The following NSD2 variants were observed in gnomAD, a reference collection of about 807,000 sequenced individuals.
The protein encoded by NSD2 is histone-lysine N-methyltransferase NSD2.
A neutral mutation model predicts 139.0 loss-of-function variants in NSD2; 12 were observed. The observed-to-expected ratio is 0.09, with a 90% CI of 0.06 to 0.14. The LOEUF (loss-of-function observed/expected upper bound fraction) is 0.14, where lower values mean the gene tolerates loss of function less well. NSD2 is among the 10% of genes least tolerant of loss of function. NSD2 has a pLI of 1.00. For missense variants in NSD2, 1,155 were observed against 1,745.0 expected (o/e 0.66, Z 6.02); for synonymous variants, 669 against 648.7 (o/e 1.03, Z -0.48).
At chr4:1,961,855 G>A (rs375573002) in intron 18 of NSD2, among the ~76,000 whole-genome samples, 33 of 152,340 alleles carry the variant, frequency 2.2e-4, no homozygotes, top group African/African-American at 7.5e-4. Context: ...AGCTGGGGAA[G>A]TGTGGCCTCC....
intron 1 of NSD2, among the ~76,000 whole-genome samples, chr4:1,898,678 AC>A (rs1716745407): frequency 1.3e-5 from 2 of 149,558 alleles, no homozygotes; most frequent in African/African-American, 4.9e-5. Flanking sequence ...AAAACAAAAA[AC>A]AAAAAACACA....
chr4:1,924,376 C>T (rs1055343475), intron 5 of NSD2, among the ~76,000 whole-genome samples: 4 of 151,924 alleles, frequency 2.6e-5, no homozygotes, highest in Non-Finnish European at 5.9e-5. Context: ...GGAACCGCCC[C>T]GTCAGCCACT....
intron 5 of NSD2, 32 bp downstream of exon 5, chr4:1,918,655 G>A (rs1338528432): frequency 3.1e-6 from 5 of 1,605,092 alleles, no homozygotes; most frequent in Non-Finnish European, 4.3e-6. Flanking sequence ...ATGCTAGCAA[G>A]TTTCAGAATT....
At chr4:1,879,379 C>T (rs931014887) in intron 1 of NSD2, among the ~76,000 whole-genome samples, 27 of 151,996 alleles carry the variant, frequency 1.8e-4, no homozygotes, top group African/African-American at 5.5e-4. Flanking sequence ...CCACCATGCC[C>T]GGCTAATTTT....
chr4:1,916,795 C>A, intron 3 of NSD2, 76 bp from the exon 4 acceptor site: 1 of 1,461,460 alleles, frequency 6.8e-7, no homozygotes, highest in South Asian at 1.3e-5. Flanking sequence ...GAAACAACTG[C>A]AAAATAGCAG....
intron 9 of NSD2, chr4:1,941,698 G>A (rs770428055): frequency 1.1e-5 from 11 of 1,045,198 alleles, no homozygotes; most frequent in African/African-American, 5.0e-5. Context: ...ATATGAAAAC[G>A]TTTAAATTAC....
intron 1 of NSD2, among the ~76,000 whole-genome samples, chr4:1,890,676 A>AC (rs1259587168): frequency 6.6e-6 from 1 of 151,214 alleles, no homozygotes; most frequent in Non-Finnish European, 1.5e-5. Flanking sequence ...ATCTCGGCTC[A>AC]CTGCAACCTC....
rs992681910 is a variant in NSD2 at position 1,947,666 on chromosome 4, G to A, written c.1882-3406G>A. The A allele has an allele frequency of 7.6e-6, 8 of 1,055,224 alleles. No homozygotes were observed. The African/African-American group carries it at 1.2e-4, about 15-fold the overall frequency. The allele number at this position is 1,055,224 out of a possible 1,614,324, so 65.4% of individuals were successfully genotyped here. On this transcript the variant is annotated intron_variant, in intron 9 of 21. Transcript: ENST00000508803. Reference sequence around the variant, plus strand: ...CACTCATTTAATCTGCTGAGCACAGGGCTGTTGTCATTTGTAAACGCAAAC... The same window carrying A: ...CACTCATTTAATCTGCTGAGCACAGAGCTGTTGTCATTTGTAAACGCAAAC...
intron 2 of NSD2, among the ~76,000 whole-genome samples, chr4:1,902,461 C>T (rs971569562): frequency 1.3e-5 from 2 of 152,074 alleles, no homozygotes; most frequent in East Asian, 1.9e-4. Flanking sequence ...TGGGCTCAAA[C>T]GATCCTCCCA....
At chr4:1,975,233 C>T (rs952701427) in intron 19 of NSD2, 61 bp from the exon 20 acceptor site, 37 of 1,548,574 alleles carry the variant, frequency 2.4e-5, no homozygotes, top group Admixed American at 8.4e-5. Context: ...ATACACGCCC[C>T]TTAGCTTTTG....
chr4:1,904,374 T>A lies in NSD2; in HGVS notation c.756T>A (p.Leu252=), dbSNP rs1308970053. The stretch of plus-strand genomic sequence containing the variant: ...CACTCCTTCACAGCTATACCAAACT[T>A]AAAGGTATTGTGTTCTTTGGGTTGT... ...ADPLLHSYTK[L]KGQKKSARQY... Residue 252 remains leucine (L), a synonymous_variant, in exon 3 of 22, where the codon CTT becomes CTA. Coordinates refer to ENST00000508803, the MANE Select transcript of NSD2 (RefSeq NM_001042424.3). 2.5e-6 allele frequency: 4 copies of A among 1,610,206 alleles called. No individual in the cohort carries two copies. The African/African-American group carries it at 5.4e-5, about 22-fold the overall frequency.
chr4:1,881,931 A>G (rs1210064889), intron 1 of NSD2, among the ~76,000 whole-genome samples: 1 of 152,198 alleles, frequency 6.6e-6, no homozygotes, highest in Non-Finnish European at 1.5e-5. Flanking sequence ...GAGCCTGTGC[A>G]GAGCTTCTGT....
At chr4:1,897,592 C>T (rs1417454021) in intron 1 of NSD2, among the ~76,000 whole-genome samples, 1 of 152,092 alleles carries the variant, frequency 6.6e-6, no homozygotes, top group African/African-American at 2.4e-5. Flanking sequence ...CTAGCCTGGT[C>T]AACAAGACAA....
At chr4:1,914,336 T>C (rs2108791728) in intron 3 of NSD2, among the ~76,000 whole-genome samples, 1 of 151,548 alleles carries the variant, frequency 6.6e-6, no homozygotes, top group South Asian at 2.1e-4. Context: ...AGTATGCTAC[T>C]TTTTTTTTGA....
At chr4:1,933,603 C>T (rs568159944) in intron 6 of NSD2, among the ~76,000 whole-genome samples, 1 of 151,938 alleles carries the variant, frequency 6.6e-6, no homozygotes, top group East Asian at 1.9e-4. Flanking sequence ...ACTCTGTTAG[C>T]CAGGATGGTC....
At chr4:1,930,351 T>C (rs1403607014) in intron 5 of NSD2, among the ~76,000 whole-genome samples, 1 of 152,192 alleles carries the variant, frequency 6.6e-6, no homozygotes, top group East Asian at 1.9e-4. Flanking sequence ...TGGAAAAGTA[T>C]ATATATATTT....
intron 1 of NSD2, among the ~76,000 whole-genome samples, chr4:1,892,515 T>G (rs1008341966): frequency 7.9e-5 from 12 of 152,184 alleles, no homozygotes; most frequent in Admixed American, 5.9e-4. Context: ...AACAGCAATG[T>G]GATGCTTAAC....
At chr4:1,890,180 C>T (rs918668364) in intron 1 of NSD2, among the ~76,000 whole-genome samples, 2 of 152,186 alleles carry the variant, frequency 1.3e-5, no homozygotes, top group Non-Finnish European at 2.9e-5. Flanking sequence ...AAATATCCAT[C>T]GCATGGATAG....
chr4:1,914,223 A>G (rs543765516), intron 3 of NSD2, among the ~76,000 whole-genome samples: 31 of 152,072 alleles, frequency 2.0e-4, no homozygotes, highest in African/African-American at 6.0e-4. Flanking sequence ...GGGTTTTGCT[A>G]TGTCGGCCAG....
Sources: gnomAD v4.1 joint callset for allele counts (sites outside exome capture counted in the v4.1 genomes callset) on GRCh38, gnomAD v4.1.1 for gene constraint, MANE v1.5 for transcripts, NCBI Gene and HGNC (gene_info 2026-07-23, HGNC 2026-07-21) for gene names.